The following CDK14 variants were observed in gnomAD, a reference collection of about 807,000 sequenced individuals.
CDK14 encodes cyclin dependent kinase 14, also known as cyclin-dependent kinase 14.
Under a neutral mutation model 60.7 loss-of-function variants are expected in CDK14, and 34 were observed. The ratio of observed to expected loss-of-function variants is 0.56; its 90% CI spans 0.43 to 0.75. The LOEUF (loss-of-function observed/expected upper bound fraction) is 0.75. Ranked by LOEUF, CDK14 falls within the 30% of genes least tolerant of loss-of-function variation. The pLI, the probability that CDK14 is intolerant of heterozygous loss-of-function variation, is 0.00. For synonymous variants in CDK14, 197 were observed against 203.7 expected (o/e 0.97, Z 0.28); for missense variants, 482 against 564.1 (o/e 0.85, Z 1.47).
intron 14 of CDK14, among the ~76,000 whole-genome samples, chr7:91,191,675 A>C (rs1333382846): frequency 6.6e-6 from 1 of 151,980 alleles, no homozygotes; most frequent in South Asian, 2.1e-4. Context: ...GGGAAGGAAG[A>C]ATAAGGAAAG....
At chr7:91,025,853 G>T (rs935346975) in intron 10 of CDK14, among the ~76,000 whole-genome samples, 2 of 152,178 alleles carry the variant, frequency 1.3e-5, no homozygotes, top group African/African-American at 4.8e-5. Context: ...TCTCAGGCAG[G>T]AGTTGCATTG....
intron 10 of CDK14, among the ~76,000 whole-genome samples, chr7:91,043,993 A>C (rs705349): frequency 4.6e-5 from 7 of 152,024 alleles, no homozygotes; most frequent in Admixed American, 6.5e-5. Context: ...AAATCCTCGG[A>C]TAAAGTGAAT....
intron 10 of CDK14, among the ~76,000 whole-genome samples, chr7:90,989,563 G>T (rs914405072): frequency 6.6e-6 from 1 of 152,166 alleles, no homozygotes; most frequent in African/African-American, 2.4e-5. Flanking sequence ...AATCAAGGCA[G>T]GTGGGCAAGG....
At chr7:91,083,061 CAGTTG>C (rs1266432461) in intron 12 of CDK14, among the ~76,000 whole-genome samples, 5 of 152,108 alleles carry the variant, frequency 3.3e-5, no homozygotes, top group African/African-American at 1.2e-4. Context: ...CTAGGAGGAG[CAGTTG>C]AGTTGAGTGA....
At chr7:91,031,268 GC>G (rs1796751104) in intron 10 of CDK14, among the ~76,000 whole-genome samples, 1 of 152,024 alleles carries the variant, frequency 6.6e-6, no homozygotes, top group African/African-American at 2.4e-5. Flanking sequence ...TGCTATTTTT[GC>G]ATGATGTGAT....
At chr7:91,135,662 C>T (rs770160534) in intron 14 of CDK14, among the ~76,000 whole-genome samples, 8 of 152,176 alleles carry the variant, frequency 5.3e-5, no homozygotes, top group Non-Finnish European at 8.8e-5. Context: ...TTCTCAAAGC[C>T]TTGGTCTCAG....
At chr7:91,137,834 G>T (rs1800333109) in intron 14 of CDK14, among the ~76,000 whole-genome samples, 2 of 152,072 alleles carry the variant, frequency 1.3e-5, no homozygotes, top group Non-Finnish European at 2.9e-5. Flanking sequence ...CATGTATTTT[G>T]ATGAGAGGTA....
chr7:90,714,966 A>G (rs1563054516), intron 2 of CDK14, among the ~76,000 whole-genome samples: 2 of 152,102 alleles, frequency 1.3e-5, no homozygotes, highest in Admixed American at 6.6e-5. Flanking sequence ...GAATTTAAAA[A>G]TATTTATAAT....
chr7:91,204,574 A>G (rs570624127), intron 14 of CDK14, among the ~76,000 whole-genome samples: 1 of 152,342 alleles, frequency 6.6e-6, no homozygotes, highest in Non-Finnish European at 1.5e-5. Flanking sequence ...ACGAAAAGAC[A>G]ACCCAATTTA....
chr7:90,819,219 C>T (rs994242219), intron 5 of CDK14, among the ~76,000 whole-genome samples: 3 of 152,128 alleles, frequency 2.0e-5, no homozygotes, highest in African/African-American at 4.8e-5. Flanking sequence ...CAGTCAAGAA[C>T]TGAGATTTTC....
chr7:91,090,345 G>A (rs906476319), intron 12 of CDK14, among the ~76,000 whole-genome samples: 1 of 152,172 alleles, frequency 6.6e-6, no homozygotes, highest in Non-Finnish European at 1.5e-5. Flanking sequence ...CTGTCCAATA[G>A]ATCTTTATGC....
chr7:91,205,257 T>C (rs922255818), intron 14 of CDK14, among the ~76,000 whole-genome samples: 1 of 152,208 alleles, frequency 6.6e-6, no homozygotes, highest in African/African-American at 2.4e-5. Flanking sequence ...GCAGCACTAT[T>C]CACTATTAGC....
chr7:91,185,575 A>G, intron 14 of CDK14, among the ~76,000 whole-genome samples: 1 of 152,060 alleles, frequency 6.6e-6, no homozygotes, highest in Non-Finnish European at 1.5e-5. Context: ...TATTACATTC[A>G]TAAGCATCAT....
rs868314355 is a variant in CDK14, at chr7:90,757,366, C to A, written c.464+9591C>A. On this transcript the variant is annotated intron_variant, in intron 4 of 14. Transcript: ENST00000380050. ...GATTGCCTCCATAAATGACTCATTTCAAAAAAAAATGCATTCTGAGGTGCT... is the reference window on the plus strand; with the variant it reads ...GATTGCCTCCATAAATGACTCATTTAAAAAAAAAATGCATTCTGAGGTGCT... Among the ~76,000 whole-genome samples the A allele has an allele frequency of 6.7e-3, 999 of 149,848 alleles. 8 individuals carry two copies. The highest frequency in any genetic ancestry group is 0.023 in the African/African-American group (940 of 40,648).
At chr7:90,950,821 G>C (rs915701445) in intron 8 of CDK14, among the ~76,000 whole-genome samples, 1 of 152,150 alleles carries the variant, frequency 6.6e-6, no homozygotes, top group African/African-American at 2.4e-5. Flanking sequence ...TTAAGCCATG[G>C]GAGTAAATGG....
At chr7:91,068,641 G>C (rs562569699) in intron 11 of CDK14, among the ~76,000 whole-genome samples, 2 of 151,926 alleles carry the variant, frequency 1.3e-5, no homozygotes, top group East Asian at 3.9e-4. Context: ...ATCCTCCAAA[G>C]CATTTTCCGA....
At chr7:90,689,243 TAGAA>T (rs1326630958) in intron 2 of CDK14, among the ~76,000 whole-genome samples, 1 of 152,182 alleles carries the variant, frequency 6.6e-6, no homozygotes, top group Non-Finnish European at 1.5e-5. Flanking sequence ...TCAGGAGCCA[TAGAA>T]AGAAGATAAT....
chr7:91,182,415 T>C (rs1802033119), intron 14 of CDK14, among the ~76,000 whole-genome samples: 1 of 152,090 alleles, frequency 6.6e-6, no homozygotes, highest in South Asian at 2.1e-4. Flanking sequence ...TTTTGTTTAA[T>C]AATATTGTAA....
rs534931423 is a variant in CDK14, at chr7:90,610,083, C to T, written c.123+5834C>T. Among the ~76,000 whole-genome samples, 8 of 152,252 alleles carry T rather than the reference C, an allele frequency of 5.3e-5. No homozygotes were observed. The South Asian group carries it at 1.0e-3, about 20-fold the overall frequency. Reference sequence around the variant, plus strand: ...TGTATTCCCTGTATCTTTTCTTTGCCGGCTTCCAGTTTCTAGATGATCCCT... The same window carrying T: ...TGTATTCCCTGTATCTTTTCTTTGCTGGCTTCCAGTTTCTAGATGATCCCT... On this transcript the variant is annotated intron_variant, in intron 2 of 14. Coordinates refer to ENST00000380050, the MANE Select transcript of CDK14 (RefSeq NM_001287135.2).
Sources: allele counts gnomAD v4.1 joint callset (sites outside exome capture counted in the v4.1 genomes callset), GRCh38; gene constraint gnomAD v4.1.1; transcripts MANE v1.5; gene names NCBI Gene and HGNC (gene_info 2026-07-23, HGNC 2026-07-21).